Variants in CNTN5 observed in about 807,000 individuals in gnomAD.
CNTN5 encodes the protein contactin 5, also known as contactin-5.
Under a neutral mutation model 129.1 loss-of-function variants are expected in CNTN5, and 77 were observed. That is an observed-to-expected ratio of 0.60 (90% CI 0.50 to 0.72). The LOEUF is 0.72. Ranked by LOEUF, CNTN5 falls within the 30% of genes least tolerant of loss-of-function variation. The pLI, the probability that CNTN5 is intolerant of heterozygous loss-of-function variation, is 0.00. For missense variants in CNTN5, 1,478 were observed against 1,328.8 expected, an observed-to-expected ratio of 1.11 and a Z score of -1.75; for synonymous variants, 509 against 465.6, an observed-to-expected ratio of 1.09 and a Z score of -1.20.
At chr11:99,756,980 A>G (rs752130206) in intron 3 of CNTN5, among the ~76,000 whole-genome samples, 2 of 151,914 alleles carry the variant, frequency 1.3e-5, no homozygotes, top group Non-Finnish European at 2.9e-5. Flanking sequence ...CTTTCTGGCA[A>G]TAACGTCTTT....
At chr11:100,299,134 G>C in intron 19 of CNTN5, 28 bp from the exon 20 acceptor site, 1 of 1,373,692 alleles carries the variant, frequency 7.3e-7, no homozygotes, top group African/African-American at 1.5e-5. Flanking sequence ...TCATTTTGCT[G>C]ATAATTAATT....
intron 2 of CNTN5, among the ~76,000 whole-genome samples, chr11:99,403,251 C>G (rs990446535): frequency 6.6e-6 from 1 of 152,152 alleles, no homozygotes; most frequent in African/African-American, 2.4e-5. Flanking sequence ...CTGCCTGCCT[C>G]AACCTTCCAA....
intron 20 of CNTN5, among the ~76,000 whole-genome samples, chr11:100,304,852 G>A (rs1037611295): frequency 6.0e-5 from 9 of 150,862 alleles, no homozygotes; most frequent in African/African-American, 2.2e-4. Flanking sequence ...TAGTAATATG[G>A]TTGTTGGGAA....
intron 1 of CNTN5, among the ~76,000 whole-genome samples, chr11:99,278,153 A>T (rs2135879727): frequency 6.6e-6 from 1 of 151,804 alleles, no homozygotes; most frequent in South Asian, 2.1e-4. Flanking sequence ...TTCCTTTAGC[A>T]AAACGAGAAT....
chr11:99,024,347 GAC>G (rs1215751219), intron 1 of CNTN5, among the ~76,000 whole-genome samples: 1 of 151,964 alleles, frequency 6.6e-6, no homozygotes, highest in Non-Finnish European at 1.5e-5. Context: ...TAAATTGAAT[GAC>G]ACAAAATATA....
intron 2 of CNTN5, among the ~76,000 whole-genome samples, chr11:99,410,245 A>G (rs1942330665): frequency 6.6e-6 from 1 of 152,216 alleles, no homozygotes; most frequent in Non-Finnish European, 1.5e-5. Context: ...TAAGTTCAAT[A>G]CACAAGCTAT....
At chr11:99,907,985 T>C (rs75342138) in intron 6 of CNTN5, among the ~76,000 whole-genome samples, 1,624 of 152,214 alleles carry the variant, frequency 0.011, 29 homozygotes, top group African/African-American at 0.037. Context: ...AATATAAAAT[T>C]ACACGTTGAA....
intron 8 of CNTN5, among the ~76,000 whole-genome samples, chr11:99,997,002 C>A (rs1939493170): frequency 6.6e-6 from 1 of 152,110 alleles, no homozygotes; most frequent in Non-Finnish European, 1.5e-5. Flanking sequence ...TCTACCCCGA[C>A]CCCTCCCAAA....
At chr11:99,965,728 T>C (rs915579099) in intron 8 of CNTN5, among the ~76,000 whole-genome samples, 5 of 152,142 alleles carry the variant, frequency 3.3e-5, no homozygotes, top group Non-Finnish European at 7.4e-5. Context: ...TAACTTTCTG[T>C]CTCGTTGATC....
chr11:99,175,116 C>T (rs1334299006), intron 1 of CNTN5, among the ~76,000 whole-genome samples: 3 of 151,998 alleles, frequency 2.0e-5, no homozygotes, highest in African/African-American at 7.3e-5. Context: ...CACCTGTAGT[C>T]CTAGTTACTT....
At chr11:100,151,576 C>T (rs898679846) in intron 13 of CNTN5, among the ~76,000 whole-genome samples, 3 of 152,148 alleles carry the variant, frequency 2.0e-5, no homozygotes, top group African/African-American at 7.2e-5. Flanking sequence ...GGTACATCGA[C>T]TTATAGGTTT....
chr11:100,027,470 T>C (rs1296502338), intron 9 of CNTN5, among the ~76,000 whole-genome samples: 1 of 152,226 alleles, frequency 6.6e-6, no homozygotes. Context: ...ATTTTCCACA[T>C]GGATGTTAGG....
rs144947806 is a variant in CNTN5 at position 99,890,249 on chromosome 11, C to T, written c.578-25805C>T. Among the ~76,000 whole-genome samples the T allele has an allele frequency of 8.1e-3, 1,238 of 152,196 alleles. 36 individuals carry two copies. The highest frequency in any genetic ancestry group is 0.053 in the East Asian group (275 of 5,180). On this transcript the variant is annotated intron_variant, in intron 6 of 24. Coordinates refer to ENST00000524871, the MANE Select transcript of CNTN5 (RefSeq NM_014361.4). ...AACAGGAGCCAATTGAAAGAGCTCA[C>T]AATGGCAGAAGCTAGAACAATGAGA...
chr11:99,133,669 C>G (rs1177920518), intron 1 of CNTN5, among the ~76,000 whole-genome samples: 1 of 139,714 alleles, frequency 7.2e-6, no homozygotes, highest in Non-Finnish European at 1.5e-5. Context: ...CTCAATATCA[C>G]TGATCATTAG....
intron 1 of CNTN5, among the ~76,000 whole-genome samples, chr11:99,030,563 A>G (rs1863321338): frequency 1.3e-5 from 2 of 152,156 alleles, no homozygotes. Flanking sequence ...AAAATTATTT[A>G]GAGCATAGAT....
Position 99,530,845 on chromosome 11 carries a change from T to A in CNTN5, c.-70-25300T>A, listed in dbSNP as rs1591228221. Among the ~76,000 whole-genome samples, 3 of 152,276 alleles carry A rather than the reference T, an allele frequency of 2.0e-5. No individual in the cohort carries two copies. The South Asian group carries it at 6.2e-4, about 32-fold the overall frequency. On this transcript the variant is annotated intron_variant, in intron 2 of 24. Transcript: ENST00000524871. ...TTTAGCCCTCTGCCATGATTATGAG[T>A]CTTCCTCAGCCATGTGGAACTGTAA...
chr11:99,426,624 T>C (rs1943133402), intron 2 of CNTN5, among the ~76,000 whole-genome samples: 1 of 152,204 alleles, frequency 6.6e-6, no homozygotes, highest in South Asian at 2.1e-4. Flanking sequence ...TATCAGTGCC[T>C]TTGATATGAA....
chr11:100,309,681 A>G (rs1046595499), intron 21 of CNTN5: 7 of 984,808 alleles, frequency 7.1e-6, no homozygotes, highest in Non-Finnish European at 8.4e-6. Context: ...ACTGACCACA[A>G]TAAATATGTT....
At chr11:99,975,886 C>G (rs1041081606) in intron 8 of CNTN5, among the ~76,000 whole-genome samples, 1 of 152,128 alleles carries the variant, frequency 6.6e-6, no homozygotes, top group South Asian at 2.1e-4. Context: ...ATGCTTTTCC[C>G]AAAGTCTTAA....
Sources: allele counts gnomAD v4.1 joint callset (sites outside exome capture counted in the v4.1 genomes callset), GRCh38; gene constraint gnomAD v4.1.1; transcripts MANE v1.5; gene names NCBI Gene and HGNC (gene_info 2026-07-23, HGNC 2026-07-21).